DST: variants seen among roughly 807,000 people sequenced by gnomAD.
The protein encoded by DST is bullous pemphigoid antigen.
DST carries 253 observed loss-of-function variants against 875.2 expected under a neutral mutation model. The observed-to-expected ratio is 0.29, with a 90% CI of 0.26 to 0.32. DST has a LOEUF of 0.32. Among genes scored for constraint, DST ranks in the 10% least tolerant of loss-of-function variants. The probability of loss-of-function intolerance (pLI) is 1.00; values close to 1 mark genes in which losing one functional copy is unlikely to be tolerated. For missense variants in DST, 8,287 were observed against 9,111.6 expected (o/e 0.91, Z 3.68); for synonymous variants, 3,124 against 3,197.1 (o/e 0.98, Z 0.77).
Position 56,631,332 on chromosome 6 carries a change from A to G in DST, c.4021T>C (p.Cys1341Arg). Reference sequence around the variant, plus strand: ...GCTGCTTGACTGAAAAACTCCTCACACTTATTTGTGATTGTTCCCAAATCA... The same window carrying G: ...GCTGCTTGACTGAAAAACTCCTCACGCTTATTTGTGATTGTTCCCAAATCA... ...KDDLGTITNK[C>R]EEFFSQAAAS... The change falls in exon 30 of 104, where the codon TGT becomes CGT. Residue 1341 changes from cysteine (C) to arginine (R), a missense_variant. By Grantham distance (180) the Cys-to-Arg change is radical. This residue lies in a region of DST where 3,138 missense variants were observed against 3,116.6 expected (regional missense o/e 1.01). Transcript: ENST00000680361. 1.2e-6 allele frequency: 2 copies of G among 1,613,872 alleles called. No individual in the cohort carries two copies. Among genetic ancestry groups the G allele is most frequent in the Non-Finnish European group, 1.7e-6 (2 of 1,179,934 alleles).
Position 56,552,170 on chromosome 6 carries a change from G to A in DST, c.16608+14C>T, listed in dbSNP as rs761788242. The A allele has an allele frequency of 1.3e-5, 21 of 1,562,914 alleles. No individual in the cohort carries two copies. Among genetic ancestry groups the A allele is most frequent in the Non-Finnish European group, 1.8e-5 (21 of 1,158,142 alleles). On this transcript the variant is annotated intron_variant, in intron 61 of 103. Coordinates refer to ENST00000680361, the MANE Select transcript of DST (RefSeq NM_001374736.1). ...GACAATAAAAACACTGGGTAAAAAT[G>A]AAGAGTTCCCTACCTTGAACATGTT...
At position 56,555,544 on chromosome 6, in the gene DST, G is replaced by T. The variant is rs773501882; in HGVS notation, c.14937C>A (p.His4979Gln). 6 of 1,613,828 alleles carry T rather than the reference G, an allele frequency of 3.7e-6. No individual in the cohort carries two copies. The highest frequency in any genetic ancestry group is 5.1e-6 in the Non-Finnish European group (6 of 1,179,890). The change falls in exon 60 of 104, where the codon CAC becomes CAA. Residue 4979 changes from histidine to glutamine, a missense_variant. Physicochemically the swap from His to Gln is conservative, Grantham distance 24. Transcript: ENST00000680361. ...KLSSSLAVST[H>Q]PDAMNQQLET... ...CCAACTGTTGGTTCATAGCATCAGGGTGCGTGCTCACAGCCAGACTGCTGC... is the reference window on the plus strand; with the variant it reads ...CCAACTGTTGGTTCATAGCATCAGGTTGCGTGCTCACAGCCAGACTGCTGC...
chr6:56,824,286 C>T (rs953511184), intron 4 of DST, among the ~76,000 whole-genome samples: 29 of 152,242 alleles, frequency 1.9e-4, no homozygotes, highest in Non-Finnish European at 3.5e-4. Flanking sequence ...GCCGGGATTG[C>T]AGACGGAGTC....
chr6:56,952,285 G>A (rs1822757683), intron 2 of DST, among the ~76,000 whole-genome samples: 1 of 152,178 alleles, frequency 6.6e-6, no homozygotes. Context: ...TGCTTTAGCT[G>A]AAATATCTGA....
At chr6:56,888,557 C>A (rs1785762629) in intron 3 of DST, among the ~76,000 whole-genome samples, 1 of 151,952 alleles carries the variant, frequency 6.6e-6, no homozygotes, top group South Asian at 2.1e-4. Flanking sequence ...GCTGCCTGGT[C>A]CTACATATTT....
rs2098509352 is a variant in DST at position 56,607,547 on chromosome 6, C to T, written c.7081G>A (p.Asp2361Asn). Residue 2361 changes from aspartate to asparagine, a missense_variant, in exon 40 of 104, where the codon GAC becomes AAC. By Grantham distance (23) the Asp-to-Asn change is conservative. Transcript: ENST00000680361. ...ELADISMLRSDSENILTNYEN... is the reference protein window; with the variant it reads ...ELADISMLRSNSENILTNYEN... ...TAGTTTGTAAGTATGTTTTCAGAGTCACTTCTAAGCATGCTAATGTCTGCA... is the reference window on the plus strand; with the variant it reads ...TAGTTTGTAAGTATGTTTTCAGAGTTACTTCTAAGCATGCTAATGTCTGCA... 1 of 1,608,196 alleles carries T rather than the reference C, an allele frequency of 6.2e-7. No homozygotes were observed. Among genetic ancestry groups the T allele is most frequent in the African/African-American group, 1.3e-5 (1 of 74,802 alleles).
At chr6:56,527,191 T>C (rs1417193701) in intron 68 of DST, among the ~76,000 whole-genome samples, 2 of 152,228 alleles carry the variant, frequency 1.3e-5, no homozygotes, top group Non-Finnish European at 2.9e-5. Context: ...AACCAAATTA[T>C]GTGTGTCTCT....
chr6:56,847,076 G>A (rs1281166363), intron 4 of DST, among the ~76,000 whole-genome samples: 2 of 151,724 alleles, frequency 1.3e-5, no homozygotes, highest in African/African-American at 4.8e-5. Flanking sequence ...CAACACTTTG[G>A]GAGGCCCAGG....
intron 55 of DST, among the ~76,000 whole-genome samples, chr6:56,567,472 CAAAA>C (rs11377589): frequency 1.7e-5 from 2 of 115,502 alleles, no homozygotes; most frequent in Non-Finnish European, 3.8e-5. Context: ...GCAACAACAA[CAAAA>C]AAAACACTTG....
intron 5 of DST, among the ~76,000 whole-genome samples, chr6:56,717,414 G>C (rs1319368206): frequency 6.6e-6 from 1 of 151,876 alleles, no homozygotes; most frequent in Non-Finnish European, 1.5e-5. Context: ...GAAACCCCTG[G>C]TTTAAATGAT....
At chr6:56,485,548 A>C in intron 87 of DST, 77 bp from the exon 88 acceptor site, 1 of 1,403,448 alleles carries the variant, frequency 7.1e-7, no homozygotes, top group Non-Finnish European at 9.8e-7. Context: ...AAATTAATTG[A>C]TGAAGGTTGA....
intron 5 of DST, among the ~76,000 whole-genome samples, chr6:56,712,608 G>C (rs545739981): frequency 2.6e-5 from 4 of 152,000 alleles, no homozygotes; most frequent in African/African-American, 9.7e-5. Context: ...AATATAACTA[G>C]GTGTAACAAA....
chr6:56,828,837 C>T (rs1410479420), intron 4 of DST, among the ~76,000 whole-genome samples: 2 of 152,086 alleles, frequency 1.3e-5, no homozygotes, highest in Admixed American at 1.3e-4. Flanking sequence ...AAGAGTAGTT[C>T]TATAGTTCTG....
intron 4 of DST, among the ~76,000 whole-genome samples, chr6:56,841,860 C>A (rs1215132164): frequency 6.7e-6 from 1 of 149,784 alleles, no homozygotes; most frequent in African/African-American, 2.5e-5. Context: ...CACACACACA[C>A]AAATGTCACA....
intron 4 of DST, among the ~76,000 whole-genome samples, chr6:56,777,118 C>T (rs2099680707): frequency 6.6e-6 from 1 of 151,872 alleles, no homozygotes; most frequent in Non-Finnish European, 1.5e-5. Flanking sequence ...GCTGATTATT[C>T]TTTACTTGGC....
chr6:56,551,635 C>A (rs1190787860), intron 61 of DST, among the ~76,000 whole-genome samples: 2 of 152,102 alleles, frequency 1.3e-5, no homozygotes, highest in East Asian at 3.9e-4. Context: ...AAAAAAAATT[C>A]ACCTCTAATC....
In DST at chr6:56,529,956, G is replaced by A. The variant is rs766172907; in HGVS notation, c.17268+18C>T. On this transcript the variant is annotated intron_variant, in intron 65 of 103. Coordinates refer to ENST00000680361, the MANE Select transcript of DST (RefSeq NM_001374736.1). ...ACAATAAAAACTGAACCTCGCTAAT[G>A]TGTGATTTATATCTTACTTTGTGCT... 9 of 1,611,736 alleles carry A rather than the reference G, an allele frequency of 5.6e-6. No homozygotes were observed. Among genetic ancestry groups the A allele is most frequent in the African/African-American group, 2.7e-5 (2 of 74,814 alleles).
chr6:56,709,340 C>T (rs2099353466), intron 5 of DST, among the ~76,000 whole-genome samples: 1 of 152,204 alleles, frequency 6.6e-6, no homozygotes, highest in Non-Finnish European at 1.5e-5. Context: ...AGTGAGAACA[C>T]ATTAGCTCAT....
intron 4 of DST, among the ~76,000 whole-genome samples, chr6:56,796,746 G>C (rs887918600): frequency 6.6e-6 from 1 of 151,766 alleles, no homozygotes; most frequent in Non-Finnish European, 1.5e-5. Context: ...AATAAATATT[G>C]TTATATACTG....
Sources: allele counts gnomAD v4.1 joint callset (sites outside exome capture counted in the v4.1 genomes callset), GRCh38; gene constraint gnomAD v4.1.1; regional missense constraint gnomAD v4.1.1; transcripts MANE v1.5; gene names NCBI Gene and HGNC (gene_info 2026-07-23, HGNC 2026-07-21).